The following ATAD1 variants were observed in gnomAD, a reference collection of about 807,000 sequenced individuals.
The protein encoded by ATAD1 is outer mitochondrial transmembrane helix translocase.
A neutral mutation model predicts 42.7 loss-of-function variants in ATAD1; 18 were observed. The observed-to-expected ratio is 0.42, with a 90% CI of 0.29 to 0.63. ATAD1 has a LOEUF of 0.63. Ranked by LOEUF, ATAD1 falls within the 20% of genes least tolerant of loss-of-function variation. The pLI, the probability that ATAD1 is intolerant of heterozygous loss-of-function variation, is 0.19. For synonymous variants in ATAD1, 132 were observed against 143.1 expected (o/e 0.92, Z 0.55); for missense variants, 294 against 440.4 (o/e 0.67, Z 2.98).
chr10:87,771,594 A>G (rs74149611), intron 6 of ATAD1, among the ~76,000 whole-genome samples: 2,411 of 152,268 alleles, frequency 0.016, 63 homozygotes, highest in African/African-American at 0.054. Flanking sequence ...TGCAGGTGAT[A>G]GCTTCTCAAT....
upstream of ATAD1, chr10:87,818,568 C>T (rs544606417): frequency 6.6e-6 from 1 of 152,410 alleles, no homozygotes; most frequent in African/African-American, 2.4e-5. Context: ...CTCTGCGTAC[C>T]CAGCAAATAC....
At chr10:87,783,340 C>G (rs143819835) in intron 5 of ATAD1, among the ~76,000 whole-genome samples, 239 of 151,844 alleles carry the variant, frequency 1.6e-3, no homozygotes, top group African/African-American at 5.3e-3. Context: ...CCACTGCATT[C>G]CAGCCTGGGT....
chr10:87,794,890 C>A (rs552165779), intron 2 of ATAD1, among the ~76,000 whole-genome samples: 1 of 152,278 alleles, frequency 6.6e-6, no homozygotes, highest in East Asian at 1.9e-4. Context: ...TACCTAAGAT[C>A]TCTTTCCTGC....
At chr10:87,802,690 T>C (rs1856758614) in intron 2 of ATAD1, among the ~76,000 whole-genome samples, 1 of 151,116 alleles carries the variant, frequency 6.6e-6, no homozygotes, top group South Asian at 2.1e-4. Flanking sequence ...CTTGCTGCAC[T>C]ATATACAAAC....
intron 3 of ATAD1, among the ~76,000 whole-genome samples, chr10:87,791,472 T>C (rs1373010981): frequency 1.3e-5 from 2 of 152,126 alleles, no homozygotes; most frequent in African/African-American, 4.8e-5. Context: ...AAAATAACTT[T>C]CACTGTAACA....
intron 1 of ATAD1, among the ~76,000 whole-genome samples, chr10:87,815,244 C>T (rs971547124): frequency 6.6e-6 from 1 of 151,924 alleles, no homozygotes; most frequent in African/African-American, 2.4e-5. Flanking sequence ...ACTGAGACAA[C>T]TACTACAAGA....
chr10:87,752,268 G>C lies in ATAD1; in HGVS notation c.*2419C>G, dbSNP rs531881036. ...GCAATGATGCTTTTAGAGAAACATG[G>C]CATAAATGATCCTTTCAGTCTCAAT... is the stretch of plus-strand genomic sequence containing the variant. On this transcript the variant is annotated 3_prime_UTR_variant, in exon 10 of 10. Transcript: ENST00000680024. 1 of 152,282 alleles carries C rather than the reference G, an allele frequency of 6.6e-6. No individual in the cohort carries two copies. The highest frequency in any genetic ancestry group is 2.4e-5 in the African/African-American group (1 of 41,566). The allele number at this position is 152,282 out of a possible 1,614,324, so 9.4% of individuals were successfully genotyped here. A position where few individuals can be genotyped will look rare whatever the true frequency, so the allele number is the denominator to read the frequency against.
At chr10:87,781,049 C>T (rs148840159) in intron 5 of ATAD1, among the ~76,000 whole-genome samples, 7 of 152,180 alleles carry the variant, frequency 4.6e-5, no homozygotes, top group African/African-American at 7.2e-5. Context: ...TGGTTTTGAA[C>T]GATCAGACCC....
At chr10:87,820,428 A>G (rs545340106), upstream of ATAD1, among the ~76,000 whole-genome samples, 5 of 152,312 alleles carry the variant, frequency 3.3e-5, no homozygotes, top group Non-Finnish European at 7.4e-5. Context: ...ACCCAGTTTC[A>G]GTTTGCATGA....
chr10:87,797,742 G>A (rs981836897), intron 2 of ATAD1, among the ~76,000 whole-genome samples: 29 of 152,126 alleles, frequency 1.9e-4, no homozygotes, highest in Non-Finnish European at 3.4e-4. Context: ...TACAGGAAGT[G>A]GTCTTGGCTG....
At chr10:87,774,648 G>A (rs1001480807) in intron 6 of ATAD1, among the ~76,000 whole-genome samples, 1 of 151,978 alleles carries the variant, frequency 6.6e-6, no homozygotes, top group African/African-American at 2.4e-5. Flanking sequence ...TGAAAGAGAC[G>A]TTAAAAAAGA....
chr10:87,797,676 C>T (rs1184056572), intron 2 of ATAD1, among the ~76,000 whole-genome samples: 5 of 152,040 alleles, frequency 3.3e-5, no homozygotes, highest in African/African-American at 1.2e-4. Flanking sequence ...AGGATTTGAC[C>T]TTGGTGTGTG....
intron 3 of ATAD1, 26 bp downstream of exon 3, chr10:87,792,631 T>TAAATAAA: frequency 1.6e-6 from 1 of 616,724 alleles, no homozygotes; most frequent in Non-Finnish European, 2.8e-6. Flanking sequence ...TCTAAAAAAA[T>TAAATAAA]CTTAAATAAG....
At chr10:87,816,748 T>C (rs1428587064) in intron 1 of ATAD1, among the ~76,000 whole-genome samples, 2 of 152,308 alleles carry the variant, frequency 1.3e-5, no homozygotes, top group Non-Finnish European at 1.5e-5. Context: ...TTCCACAAAG[T>C]TGAAAATGCA....
intron 5 of ATAD1, among the ~76,000 whole-genome samples, chr10:87,779,354 TGA>T (rs2131855920): frequency 1.3e-5 from 2 of 152,204 alleles, no homozygotes; most frequent in Admixed American, 1.3e-4. Flanking sequence ...TCGTGCTATG[TGA>T]AAGATACTGC....
intron 8 of ATAD1, among the ~76,000 whole-genome samples, chr10:87,763,572 C>T (rs373581238): frequency 3.3e-4 from 50 of 152,192 alleles, no homozygotes; most frequent in African/African-American, 1.1e-3. Flanking sequence ...ACTTGGGAGA[C>T]TGAGGTGGGA....
chr10:87,811,901 C>T lies in ATAD1; in HGVS notation c.162+2537G>A, dbSNP rs1002144158. ...AAATGTCATCTTCTCATAAATTTGC[C>T]CTACCTACCAGTTTCCAAACCTCTA... On this transcript the variant is annotated intron_variant, in intron 2 of 9. Coordinates refer to ENST00000680024, the MANE Select transcript of ATAD1 (RefSeq NM_001321967.2). Among the ~76,000 whole-genome samples the T allele has an allele frequency of 9.2e-5, 14 of 152,162 alleles. No individual in the cohort carries two copies. In the South Asian group the frequency reaches 2.3e-3, roughly 25 times the overall value.
chr10:87,840,116 C>T (rs1858004751), intron 1 of ATAD1, among the ~76,000 whole-genome samples: 1 of 152,210 alleles, frequency 6.6e-6, no homozygotes, highest in African/African-American at 2.4e-5. Context: ...AATCAGGATA[C>T]TCTGTGAAAT....
chr10:87,825,309 T>A (rs1216779081), intron 1 of ATAD1, among the ~76,000 whole-genome samples: 1 of 110,170 alleles, frequency 9.1e-6, no homozygotes. Flanking sequence ...AATCTTAACC[T>A]TTTTTTTTTT....
Sources: gnomAD v4.1 joint callset for allele counts (sites outside exome capture counted in the v4.1 genomes callset) on GRCh38, gnomAD v4.1.1 for gene constraint, MANE v1.5 for transcripts, NCBI Gene and HGNC (gene_info 2026-07-23, HGNC 2026-07-21) for gene names.